The following SEL1L2 variants were observed in gnomAD, a reference collection of about 807,000 sequenced individuals.
SEL1L2 encodes the protein protein sel-1 homolog 2.
A neutral mutation model predicts 98.8 loss-of-function variants in SEL1L2; 89 were observed. The observed-to-expected ratio is 0.90, with a 90% CI of 0.76 to 1.07. SEL1L2 has a LOEUF of 1.07. SEL1L2 is among the 50% of genes least tolerant of loss of function. The pLI is 0.00. For missense variants in SEL1L2, 788 were observed against 812.0 expected (o/e 0.97, Z 0.36); for synonymous variants, 262 against 278.5 (o/e 0.94, Z 0.59).
chr20:13,942,192 A>G (rs2049812647), intron 2 of SEL1L2, among the ~76,000 whole-genome samples: 1 of 152,198 alleles, frequency 6.6e-6, no homozygotes, highest in Non-Finnish European at 1.5e-5. Context: ...GGCAGAGAAC[A>G]CAGGCTGCTG....
intron 2 of SEL1L2, among the ~76,000 whole-genome samples, chr20:13,954,172 C>T (rs1222747148): frequency 6.6e-6 from 1 of 151,902 alleles, no homozygotes; most frequent in Non-Finnish European, 1.5e-5. Flanking sequence ...AAGAGCAGCT[C>T]CACTTAGGTG....
intron 5 of SEL1L2, among the ~76,000 whole-genome samples, chr20:13,901,072 T>C (rs2047652527): frequency 8.7e-6 from 1 of 115,522 alleles, no homozygotes; most frequent in Non-Finnish European, 1.8e-5. Flanking sequence ...TCTTTCTTTC[T>C]TTCTTTTTTT....
upstream of SEL1L2, among the ~76,000 whole-genome samples, chr20:13,992,452 C>A (rs547089743): frequency 4.6e-5 from 7 of 152,146 alleles, no homozygotes; most frequent in South Asian, 1.5e-3. Flanking sequence ...TGCAGTGAGC[C>A]AAGATCGCGC....
chr20:13,935,833 A>G (rs190914624), intron 2 of SEL1L2, among the ~76,000 whole-genome samples: 7 of 152,278 alleles, frequency 4.6e-5, no homozygotes, highest in African/African-American at 1.4e-4. Context: ...AAAAGAGGCC[A>G]ACTGAAATAG....
chr20:13,896,401 T>C (rs1296546960), intron 5 of SEL1L2, among the ~76,000 whole-genome samples: 4 of 151,356 alleles, frequency 2.6e-5, no homozygotes, highest in Non-Finnish European at 5.9e-5. Flanking sequence ...ACCCGGAAGG[T>C]GGAGCTTGCA....
intron 2 of SEL1L2, among the ~76,000 whole-genome samples, chr20:13,947,107 G>A (rs1480845704): frequency 1.1e-5 from 1 of 94,280 alleles, no homozygotes; most frequent in Non-Finnish European, 2.2e-5. Context: ...AGCCAGGAAG[G>A]ACCTGAAGCC....
Position 13,858,422 on chromosome 20 carries a change from A to G in SEL1L2, c.1818+840T>C, listed in dbSNP as rs1012875861. 6.6e-5 allele frequency among the ~76,000 whole-genome samples: 10 copies of G among 152,002 alleles called. No individual in the cohort carries two copies. The East Asian group carries it at 1.5e-3, about 24-fold the overall frequency. ...GCTGGGTTCAAATTCTGGCTCCACC[A>G]TTGACGAGCTCCGCAAGCTGGTTGG... On this transcript the variant is annotated intron_variant, in intron 18 of 19. Transcript: ENST00000284951.
chr20:13,951,057 A>G (rs1440393560), intron 2 of SEL1L2, among the ~76,000 whole-genome samples: 1 of 152,010 alleles, frequency 6.6e-6, no homozygotes, highest in Non-Finnish European at 1.5e-5. Flanking sequence ...CGTGCGGATC[A>G]CAAGGTCAGG....
chr20:13,869,400 G>A, intron 14 of SEL1L2, 103 bp downstream of exon 14: 1 of 885,718 alleles, frequency 1.1e-6, no homozygotes, highest in Non-Finnish European at 1.9e-6. Context: ...TAAATGTTCT[G>A]TCTAAACCAC....
At chr20:13,977,014 A>G (rs993827131) in intron 1 of SEL1L2, among the ~76,000 whole-genome samples, 1 of 152,188 alleles carries the variant, frequency 6.6e-6, no homozygotes, top group Admixed American at 6.5e-5. Flanking sequence ...TAATCATGCA[A>G]TTTGGAGTAC....
In SEL1L2 at chr20:13,877,554, G is replaced by A. The variant is rs1343082773; in HGVS notation, c.992C>T (p.Ala331Val). The change falls in exon 11 of 20, where the codon GCC becomes GTC. Residue 331 changes from alanine (A) to valine (V), a missense_variant. Coordinates refer to ENST00000284951, the MANE Select transcript of SEL1L2 (RefSeq NM_025229.2). The part of the protein sequence containing the change: ...ALHYFLKAAK[A>V]GSANAMAFIG... ...AAATGCCATGGCATTTGCACTCCCG[G>A]CCTTTGCTGCCTTTAAGAAGTAGTG... The A allele has an allele frequency of 6.2e-7, 1 of 1,613,040 alleles. No homozygotes were observed. Among genetic ancestry groups the A allele is most frequent in the Admixed American group, 1.7e-5 (1 of 59,998 alleles).
chr20:13,913,271 T>C (rs1474002729), intron 5 of SEL1L2, among the ~76,000 whole-genome samples: 1 of 152,202 alleles, frequency 6.6e-6, no homozygotes, highest in Non-Finnish European at 1.5e-5. Context: ...AAATGATATA[T>C]GCAATTGCAT....
At chr20:13,893,507 C>T (rs1361990547) in intron 5 of SEL1L2, among the ~76,000 whole-genome samples, 1 of 152,036 alleles carries the variant, frequency 6.6e-6, no homozygotes, top group East Asian at 1.9e-4. Context: ...GCAAAGCATC[C>T]AACCATATGA....
chr20:13,908,312 A>C (rs2148152396), intron 5 of SEL1L2, among the ~76,000 whole-genome samples: 1 of 151,312 alleles, frequency 6.6e-6, no homozygotes, highest in East Asian at 2.0e-4. Context: ...TTGTAGAGAC[A>C]GGATTCTCAC....
chr20:13,851,477 G>T (rs896466209), intron 18 of SEL1L2: 3 of 152,000 alleles, frequency 2.0e-5, no homozygotes, highest in Non-Finnish European at 4.4e-5. Flanking sequence ...GGATGATGAA[G>T]AAACTATTTT....
intron 2 of SEL1L2, among the ~76,000 whole-genome samples, chr20:13,943,403 G>T (rs1462985803): frequency 6.6e-6 from 1 of 151,304 alleles, no homozygotes; most frequent in East Asian, 1.9e-4. Flanking sequence ...GCAAGGAGCA[G>T]AAAATTATAG....
chr20:13,965,677 G>A (rs887380841), intron 1 of SEL1L2, among the ~76,000 whole-genome samples: 4 of 151,956 alleles, frequency 2.6e-5, no homozygotes, highest in African/African-American at 4.8e-5. Flanking sequence ...GTCTTTGGTC[G>A]GGCACAGTGG....
At chr20:13,969,672 TG>T (rs2051197827) in intron 1 of SEL1L2, among the ~76,000 whole-genome samples, 1 of 152,190 alleles carries the variant, frequency 6.6e-6, no homozygotes, top group African/African-American at 2.4e-5. Context: ...CTCACACCCA[TG>T]TATTTTACTT....
At chr20:13,947,176 T>C (rs922071546) in intron 2 of SEL1L2, among the ~76,000 whole-genome samples, 1 of 152,020 alleles carries the variant, frequency 6.6e-6, no homozygotes, top group Non-Finnish European at 1.5e-5. Flanking sequence ...CTTATGGTGC[T>C]TTTTTTAGGC....
Sources: allele counts gnomAD v4.1 joint callset (sites outside exome capture counted in the v4.1 genomes callset), GRCh38; gene constraint gnomAD v4.1.1; transcripts MANE v1.5; gene names NCBI Gene and HGNC (gene_info 2026-07-23, HGNC 2026-07-21).